RBM19: variants seen among roughly 807,000 people sequenced by gnomAD.
RBM19 encodes the protein RNA binding motif protein 19.
Under a neutral mutation model 116.8 loss-of-function variants are expected in RBM19, and 94 were observed. That is an observed-to-expected ratio of 0.80 (90% CI 0.68 to 0.95). RBM19 has a LOEUF of 0.95. RBM19 is among the 40% of genes least tolerant of loss of function. The pLI is 0.00. For missense variants in RBM19, 1,161 were observed against 1,220.7 expected (o/e 0.95, Z 0.73); for synonymous variants, 475 against 494.1 (o/e 0.96, Z 0.51).
chr12:113,884,919 A>T (rs1191258378), intron 21 of RBM19, among the ~76,000 whole-genome samples: 1 of 644 alleles, frequency 1.6e-3, no homozygotes, highest in African/African-American at 7.9e-3. Context: ...CCACACTGAT[A>T]AAAAAATAAG....
intron 20 of RBM19, 111 bp from the exon 21 acceptor site, chr12:113,915,196 T>G: frequency 1.1e-6 from 1 of 942,428 alleles, no homozygotes; most frequent in South Asian, 1.4e-5. Context: ...ATTCAAGGAG[T>G]GTGCGTGGGG....
At chr12:113,892,009 C>T (rs150701069) in intron 21 of RBM19, among the ~76,000 whole-genome samples, 305 of 152,182 alleles carry the variant, frequency 2.0e-3, no homozygotes, top group Non-Finnish European at 3.2e-3. Flanking sequence ...CTGTGTCACC[C>T]GTGTCTACTT....
intron 21 of RBM19, among the ~76,000 whole-genome samples, chr12:113,914,112 G>A (rs982407714): frequency 6.6e-6 from 1 of 152,260 alleles, no homozygotes; most frequent in Non-Finnish European, 1.5e-5. Flanking sequence ...GGGCCCTGGG[G>A]CAGGCCAGAC....
chr12:113,855,889 C>T (rs1039797658), intron 22 of RBM19, among the ~76,000 whole-genome samples: 6 of 152,234 alleles, frequency 3.9e-5, no homozygotes, highest in African/African-American at 1.4e-4. Context: ...AAATGTTCCA[C>T]TCAGAAGACA....
chr12:113,841,422 CTTT>C (rs71089416), intron 23 of RBM19, among the ~76,000 whole-genome samples: 3 of 130,014 alleles, frequency 2.3e-5, no homozygotes, highest in African/African-American at 2.8e-5. Context: ...TTTTTCTTTT[CTTT>C]TTTTTTTTTT....
intron 6 of RBM19, among the ~76,000 whole-genome samples, chr12:113,955,818 G>A (rs1871891247): frequency 1.3e-5 from 2 of 152,170 alleles, no homozygotes; most frequent in Non-Finnish European, 2.9e-5. Context: ...TTGTCCATGC[G>A]TTGCAGAAAT....
chr12:113,957,699 T>C, intron 6 of RBM19, 83 bp downstream of exon 6: 2 of 1,478,114 alleles, frequency 1.4e-6, no homozygotes, highest in Non-Finnish European at 1.8e-6. Context: ...AACATTCCGC[T>C]CTCCTAACAG....
At chr12:113,935,401 A>T (rs1869967036) in intron 16 of RBM19, among the ~76,000 whole-genome samples, 1 of 152,188 alleles carries the variant, frequency 6.6e-6, no homozygotes, top group Non-Finnish European at 1.5e-5. Flanking sequence ...ACAAGCCAGG[A>T]TGACATGAAG....
chr12:113,906,417 A>G (rs998173833), intron 21 of RBM19, among the ~76,000 whole-genome samples: 1 of 152,166 alleles, frequency 6.6e-6, no homozygotes. Context: ...CAACACTAAT[A>G]TATGTTTTTC....
intron 19 of RBM19, among the ~76,000 whole-genome samples, chr12:113,920,261 C>T (rs1180252178): frequency 6.6e-6 from 1 of 152,206 alleles, no homozygotes; most frequent in Non-Finnish European, 1.5e-5. Flanking sequence ...GCAGCTTTGT[C>T]TTCATGACCT....
intron 21 of RBM19, among the ~76,000 whole-genome samples, chr12:113,899,619 T>C (rs945513046): frequency 3.9e-5 from 6 of 152,248 alleles, no homozygotes; most frequent in African/African-American, 1.4e-4. Flanking sequence ...TTCTGTAACC[T>C]AGCACCTGGC....
intron 22 of RBM19, 85 bp downstream of exon 22, chr12:113,858,706 T>C: frequency 7.8e-7 from 1 of 1,279,240 alleles, no homozygotes; most frequent in South Asian, 1.2e-5. Context: ...TGACTCTGTG[T>C]GTGTTAGAGG....
Position 113,823,341 on chromosome 12 carries a change from A to G in RBM19, c.2786-20T>C. 1 of 1,607,786 alleles carries G rather than the reference A, an allele frequency of 6.2e-7. No individual in the cohort carries two copies. Among genetic ancestry groups the G allele is most frequent in the Non-Finnish European group, 8.5e-7 (1 of 1,176,726 alleles). ...GGGGCTCTGTGGGAGCCCAGATGGC[A>G]AGAGAGGAGAAAAGAACAGCCGAGA... On this transcript the variant is annotated intron_variant, in intron 23 of 23. Coordinates refer to ENST00000261741, the MANE Select transcript of RBM19 (RefSeq NM_016196.4).
rs377184609 is a variant in RBM19, at chr12:113,963,909, C to G, written c.37-1495G>C. On this transcript the variant is annotated intron_variant, in intron 1 of 23. Coordinates refer to ENST00000261741, the MANE Select transcript of RBM19 (RefSeq NM_016196.4). ...TGGGTGATATTTCCCAAGACAGGCC[C>G]TGGCTAACTCCTCATTCTCAGTTCA... 5.5e-4 allele frequency among the ~76,000 whole-genome samples: 84 copies of G among 152,362 alleles called. 1 individual carries two copies. The highest frequency in any genetic ancestry group is 3.4e-3 in the Middle Eastern group (1 of 294).
chr12:113,889,702 CCAAA>C (rs1281609696), intron 21 of RBM19, among the ~76,000 whole-genome samples: 5 of 151,798 alleles, frequency 3.3e-5, no homozygotes, highest in African/African-American at 7.3e-5. Context: ...ACCCCAAAAC[CCAAA>C]CAAACAACGA....
intron 22 of RBM19, among the ~76,000 whole-genome samples, chr12:113,849,818 G>C (rs769153269): frequency 6.6e-6 from 1 of 152,100 alleles, no homozygotes; most frequent in Non-Finnish European, 1.5e-5. Flanking sequence ...GATTATTCCT[G>C]GTCCCTCCTC....
intron 23 of RBM19, among the ~76,000 whole-genome samples, chr12:113,837,946 G>A (rs1433452413): frequency 3.3e-5 from 5 of 152,196 alleles, no homozygotes; most frequent in Non-Finnish European, 5.9e-5. Context: ...ACACACTAAT[G>A]TATTTCTAGT....
chr12:113,922,098 C>G (rs980413785), intron 18 of RBM19, among the ~76,000 whole-genome samples: 2 of 152,340 alleles, frequency 1.3e-5, no homozygotes, highest in South Asian at 2.1e-4. Flanking sequence ...GGCCACCACT[C>G]CTGCAGGTTA....
intron 21 of RBM19, among the ~76,000 whole-genome samples, chr12:113,911,573 T>A (rs1231920752): frequency 6.6e-6 from 1 of 152,192 alleles, no homozygotes; most frequent in Non-Finnish European, 1.5e-5. Flanking sequence ...CCTGTTACTC[T>A]GCCAGGGGCT....
Sources: allele counts gnomAD v4.1 joint callset (sites outside exome capture counted in the v4.1 genomes callset), GRCh38; gene constraint gnomAD v4.1.1; transcripts MANE v1.5; gene names NCBI Gene and HGNC (gene_info 2026-07-23, HGNC 2026-07-21).